Variants in LRP2 observed in about 807,000 individuals in gnomAD.
LRP2 encodes the protein low-density lipoprotein receptor-related protein 2.
In LRP2, 172 loss-of-function variants were observed where a neutral mutation model predicts 531.0. The observed-to-expected ratio is 0.32, with a 90% CI of 0.29 to 0.37. The LOEUF (loss-of-function observed/expected upper bound fraction) is 0.37, where lower values mean the gene tolerates loss of function less well. Ranked by LOEUF, LRP2 falls within the 10% of genes least tolerant of loss-of-function variation. The pLI, the probability that LRP2 is intolerant of heterozygous loss-of-function variation, is 1.00. For synonymous variants in LRP2, 1,992 were observed against 2,027.6 expected, an observed-to-expected ratio of 0.98 and a Z score of 0.47; for missense variants, 5,167 against 5,868.3, an observed-to-expected ratio of 0.88 and a Z score of 3.90.
At chr2:169,237,741 A>T (rs1689657279) in intron 27 of LRP2, among the ~76,000 whole-genome samples, 1 of 152,200 alleles carries the variant, frequency 6.6e-6, no homozygotes, top group Non-Finnish European at 1.5e-5. Flanking sequence ...GGATTGAGAA[A>T]TATCACTAAA....
chr2:169,192,180 G>C, intron 47 of LRP2, 147 bp from the exon 48 acceptor site: 1 of 557,090 alleles, frequency 1.8e-6, no homozygotes, highest in East Asian at 2.8e-5. Context: ...TATAATAATA[G>C]ATCATAATAA....
chr2:169,281,858 A>G (rs1683713637), intron 10 of LRP2, among the ~76,000 whole-genome samples: 1 of 152,156 alleles, frequency 6.6e-6, no homozygotes, highest in Non-Finnish European at 1.5e-5. Flanking sequence ...ACTACCATAT[A>G]TAGATATGTA....
chr2:169,156,218 C>A (rs1686325929), intron 65 of LRP2, 56 bp downstream of exon 65: 1 of 1,609,038 alleles, frequency 6.2e-7, no homozygotes, highest in African/African-American at 1.3e-5. Context: ...GTATAGTGTA[C>A]TTAGCAGTAT....
intron 52 of LRP2, among the ~76,000 whole-genome samples, 170 bp from the exon 53 acceptor site, chr2:169,178,196 A>T (rs1687284754): frequency 6.6e-6 from 1 of 152,234 alleles, no homozygotes; most frequent in African/African-American, 2.4e-5. Flanking sequence ...AACTTAAAGG[A>T]TGAATTCAAA....
chr2:169,264,397 T>C (rs1043361666), intron 16 of LRP2, among the ~76,000 whole-genome samples: 1 of 151,994 alleles, frequency 6.6e-6, no homozygotes, highest in African/African-American at 2.4e-5. Flanking sequence ...TTGGCCTGCA[T>C]GCAGCTAGAA....
chr2:169,154,661 A>C (rs1404002042), intron 65 of LRP2, 58 bp from the exon 66 acceptor site: 1 of 1,518,526 alleles, frequency 6.6e-7, no homozygotes, highest in African/African-American at 1.4e-5. Flanking sequence ...TATATAAAGT[A>C]GGATATAAAA....
intron 29 of LRP2, among the ~76,000 whole-genome samples, chr2:169,234,961 G>A (rs533372344): frequency 1.3e-5 from 2 of 151,284 alleles, no homozygotes; most frequent in African/African-American, 4.9e-5. Flanking sequence ...CCAGGCTGGA[G>A]TGCAGTGGCA....
At chr2:169,190,150 A>G (rs1283783370) in intron 48 of LRP2, among the ~76,000 whole-genome samples, 1 of 152,252 alleles carries the variant, frequency 6.6e-6, no homozygotes, top group Non-Finnish European at 1.5e-5. Flanking sequence ...GAAGTGCAAC[A>G]CAATAGAACT....
chr2:169,290,264 C>CT (rs11463198), intron 8 of LRP2, among the ~76,000 whole-genome samples: 18,087 of 56,900 alleles, frequency 0.32, 4,509 homozygotes, highest in African/African-American at 0.38. Flanking sequence ...GAACCAGAAG[C>CT]TTTTTTTTTT....
chr2:169,215,153 C>T (rs1300122381), intron 35 of LRP2, among the ~76,000 whole-genome samples: 5 of 152,124 alleles, frequency 3.3e-5, no homozygotes, highest in African/African-American at 1.2e-4. Context: ...TTTTAATCTC[C>T]AAAGCTTACC....
At chr2:169,130,684 C>G (rs1055920010) in intron 77 of LRP2, among the ~76,000 whole-genome samples, 1 of 152,160 alleles carries the variant, frequency 6.6e-6, no homozygotes, top group Non-Finnish European at 1.5e-5. Flanking sequence ...CTCACCCAAG[C>G]GCCTCTACTG....
In LRP2 at chr2:169,307,339, A is replaced by C. The variant is rs757393374; in HGVS notation, c.369T>G (p.Ser123Arg). 6.2e-6 allele frequency: 10 copies of C among 1,613,944 alleles called. No individual in the cohort carries two copies. The South Asian group carries it at 8.8e-5, about 14-fold the overall frequency. Residue 123 changes from serine to arginine, a missense_variant, in exon 4 of 79, where the codon AGT (serine) becomes AGG (arginine). By Grantham distance (110) the Ser-to-Arg change is moderately radical. This residue lies in a region of LRP2 where 2,811 missense variants were observed against 3,058.0 expected (regional missense o/e 0.92). Coordinates refer to ENST00000649046, the MANE Select transcript of LRP2 (RefSeq NM_004525.3). ...CTCTGACGTGGTCGCACCTGTATTC[A>C]CTTGGGATACACTGACCATTGGAGC... ...ITCSNGQCIP[S>R]EYRCDHVRDC...
intron 14 of LRP2, among the ~76,000 whole-genome samples, chr2:169,273,967 A>G (rs1189323592): frequency 2.0e-5 from 3 of 152,284 alleles, no homozygotes; most frequent in African/African-American, 7.2e-5. Flanking sequence ...TAAAATATCT[A>G]TTTTTAGACA....
intron 4 of LRP2, among the ~76,000 whole-genome samples, chr2:169,296,085 T>C (rs1684128303): frequency 6.6e-6 from 1 of 152,100 alleles, no homozygotes; most frequent in African/African-American, 2.4e-5. Flanking sequence ...GTGCTGAAAC[T>C]GTACTAAACT....
At chr2:169,188,784 C>A (rs1462444072) in intron 48 of LRP2, among the ~76,000 whole-genome samples, 1 of 152,240 alleles carries the variant, frequency 6.6e-6, no homozygotes, top group Non-Finnish European at 1.5e-5. Context: ...AGGGTGAGTG[C>A]TATATATTAT....
At position 169,362,303 on chromosome 2, in the gene LRP2, C is replaced by T; in HGVS notation, c.79+18G>A. 1 of 1,549,596 alleles carries T rather than the reference C, an allele frequency of 6.5e-7. No homozygotes were observed. Among genetic ancestry groups the T allele is most frequent in the East Asian group, 2.4e-5 (1 of 41,052 alleles). On this transcript the variant is annotated intron_variant, in intron 1 of 78. Transcript: ENST00000649046. ...GGGGAAGTGGGGGCTCCACGAGAGG[C>T]TCTGGCTGGGCTCTTACCTTGGCCA...
chr2:169,153,712 G>A (rs1046278085), intron 66 of LRP2, among the ~76,000 whole-genome samples: 1 of 152,092 alleles, frequency 6.6e-6, no homozygotes, highest in African/African-American at 2.4e-5. Flanking sequence ...GGATCACAAA[G>A]CTAGTAGATA....
intron 16 of LRP2, among the ~76,000 whole-genome samples, chr2:169,268,227 A>G (rs1683287204): frequency 6.6e-6 from 1 of 152,224 alleles, no homozygotes; most frequent in Non-Finnish European, 1.5e-5. Context: ...AATCAAAGCA[A>G]AAAGAGGGAA....
chr2:169,289,290 C>A (rs891129929), intron 8 of LRP2, 145 bp from the exon 9 acceptor site: 1 of 1,015,608 alleles, frequency 9.8e-7, no homozygotes, highest in Non-Finnish European at 1.5e-6. Context: ...AAGCTTACTG[C>A]AAAACTTTGC....
Sources: allele counts gnomAD v4.1 joint callset (sites outside exome capture counted in the v4.1 genomes callset), GRCh38; gene constraint gnomAD v4.1.1; regional missense constraint gnomAD v4.1.1; transcripts MANE v1.5; gene names NCBI Gene and HGNC (gene_info 2026-07-23, HGNC 2026-07-21).